The following FGF16 variants were observed in gnomAD, a reference collection of about 807,000 sequenced individuals.
The protein encoded by FGF16 is fibroblast growth factor 16.
Under a neutral mutation model 8.5 loss-of-function variants are expected in FGF16, and 2 were observed. The observed-to-expected ratio is 0.24, with a 90% CI of 0.10 to 0.75. The LOEUF is 0.75. FGF16 is among the 30% of genes least tolerant of loss of function. The pLI is 0.74. For missense variants in FGF16, 79 were observed against 87.4 expected (o/e 0.90, Z 0.38); for synonymous variants, 33 against 34.6 (o/e 0.95, Z 0.16).
At chrX:77,454,031 C>G (rs1288811757) in intron 1 of FGF16, 126 bp from the exon 2 acceptor site, 1 of 501,696 alleles carries the variant, frequency 2.0e-6, no homozygotes, top group Non-Finnish European at 3.5e-6. Flanking sequence ...TTTCATCAGG[C>G]ATTTTATCAA....
intron 1 of FGF16, among the ~76,000 whole-genome samples, chrX:77,452,138 CA>C (rs1378587222): frequency 1.8e-5 from 2 of 111,948 alleles, no homozygotes; most frequent in Non-Finnish European, 3.8e-5. Flanking sequence ...CAGGACTTCA[CA>C]TTGATTCTAA....
chrX:77,448,091 C>G (rs911456951), intron 1 of FGF16, 143 bp downstream of exon 1: 14 of 296,029 alleles, frequency 4.7e-5, no homozygotes, highest in Non-Finnish European at 7.7e-5. Flanking sequence ...ACGGCGCGGT[C>G]GTGGGCCTCT....
At chrX:77,454,290 T>G (rs1380865480) in intron 2 of FGF16, 30 bp downstream of exon 2, 3 of 819,022 alleles carry the variant, frequency 3.7e-6, no homozygotes, top group Non-Finnish European at 5.0e-6. Context: ...TTTTTTTTTT[T>G]TTTTTTTTTT....
At chrX:77,454,417 G>A (rs2062567022) in intron 2 of FGF16, among the ~76,000 whole-genome samples, 157 bp downstream of exon 2, 1 of 106,234 alleles carries the variant, frequency 9.4e-6, no homozygotes, top group African/African-American at 3.5e-5. Context: ...TTGGGAGGCT[G>A]AGGTGGGCGG....
At chrX:77,456,014 G>A (rs1285406872) in intron 2 of FGF16, among the ~76,000 whole-genome samples, 1 of 112,274 alleles carries the variant, frequency 8.9e-6, no homozygotes, top group African/African-American at 3.2e-5. Context: ...AGAGCCAGGT[G>A]ATGCCATCTC....
intron 1 of FGF16, among the ~76,000 whole-genome samples, 192 bp downstream of exon 1, chrX:77,448,140 TG>T (rs1449553591): frequency 1.8e-5 from 2 of 113,118 alleles, no homozygotes; most frequent in Non-Finnish European, 3.8e-5. Context: ...CACTTTCAGG[TG>T]GGGGCGGGGG....
chrX:77,448,054 C>G, intron 1 of FGF16, 106 bp downstream of exon 1: 1 of 297,134 alleles, frequency 3.4e-6, no homozygotes, highest in Non-Finnish European at 5.9e-6. Flanking sequence ...GGCTTGGTGT[C>G]GTCCGGGCCA....
chrX:77,456,697 T>C lies in FGF16; in HGVS notation c.*175T>C. 1 of 440,578 alleles carries C rather than the reference T, an allele frequency of 2.3e-6. No individual in the cohort carries two copies. The highest frequency in any genetic ancestry group is 3.8e-6 in the Non-Finnish European group (1 of 264,379). The allele number at this position is 440,578 out of a possible 1,213,427, so 36.3% of individuals were successfully genotyped here. ...TGTTGTTCAAAGTGTATATCAAGGT[T>C]GGGTTATTTTGGGGAGGGATGGGGG... On this transcript the variant is annotated 3_prime_UTR_variant, in exon 3 of 3. Transcript: ENST00000439435.
At chrX:77,451,972 T>G (rs781992959) in intron 1 of FGF16, among the ~76,000 whole-genome samples, 2 of 111,892 alleles carry the variant, frequency 1.8e-5, no homozygotes, top group Admixed American at 9.5e-5. Flanking sequence ...AAGAAAGAAA[T>G]AAATAGATAA....
chrX:77,455,485 G>C (rs2062569456), intron 2 of FGF16, among the ~76,000 whole-genome samples: 1 of 111,791 alleles, frequency 8.9e-6, no homozygotes, highest in Admixed American at 9.5e-5. Flanking sequence ...CTCTATTCTG[G>C]AAGCTAGCCT....
chrX:77,450,387 C>T (rs1445993093), intron 1 of FGF16, among the ~76,000 whole-genome samples: 4 of 112,454 alleles, frequency 3.6e-5, no homozygotes, highest in Admixed American at 9.4e-5. Flanking sequence ...ATATGCTCTC[C>T]GCTCTCCATC....
chrX:77,450,587 A>G (rs1276462292), intron 1 of FGF16, among the ~76,000 whole-genome samples: 1 of 112,473 alleles, frequency 8.9e-6, no homozygotes, highest in Non-Finnish European at 1.9e-5. Context: ...TTCTTGAGTG[A>G]TCTGGTTCTC....
At chrX:77,456,157 A>G (rs2062571208) in intron 2 of FGF16, 120 bp from the exon 3 acceptor site, 1 of 631,005 alleles carries the variant, frequency 1.6e-6, no homozygotes, top group Non-Finnish European at 2.6e-6. Context: ...ATACAGAGAG[A>G]TAGGACTGGA....
chrX:77,450,544 G>T (rs1557026595), intron 1 of FGF16, among the ~76,000 whole-genome samples: 1 of 112,730 alleles, frequency 8.9e-6, no homozygotes, highest in African/African-American at 3.2e-5. Context: ...CTCCCACCAG[G>T]TGGGATGGAG....
At chrX:77,453,592 C>T (rs2062563431) in intron 1 of FGF16, among the ~76,000 whole-genome samples, 1 of 111,751 alleles carries the variant, frequency 8.9e-6, no homozygotes, top group Non-Finnish European at 1.9e-5. Context: ...CAAGTTTTGC[C>T]TCCTGCCATA....
chrX:77,449,601 A>G (rs2062551313), intron 1 of FGF16, among the ~76,000 whole-genome samples: 1 of 111,705 alleles, frequency 9.0e-6, no homozygotes, highest in Admixed American at 9.5e-5. Context: ...CACACCTCCC[A>G]GCAGCTCCAA....
chrX:77,455,949 C>T (rs1485409857), intron 2 of FGF16, among the ~76,000 whole-genome samples: 2 of 112,106 alleles, frequency 1.8e-5, no homozygotes, highest in African/African-American at 6.5e-5. Flanking sequence ...AGGGAGAAAG[C>T]TCAGTGGGTA....
rs201586523 is a variant in FGF16 at position 77,453,943 on chromosome X, C to T, written c.275-214C>T. On this transcript the variant is annotated intron_variant, in intron 1 of 2. Coordinates refer to ENST00000439435, the MANE Select transcript of FGF16 (RefSeq NM_003868.3). ...GAGTAGAAGCAGAGATGGTGTCCCC[C>T]GTTTTACATATGGAAAAACTGAGGC... Among the ~76,000 whole-genome samples, 4 of 111,418 alleles carry T rather than the reference C, an allele frequency of 3.6e-5. No homozygotes were observed. In the East Asian group the frequency reaches 8.5e-4, roughly 24 times the overall value.
At chrX:77,453,390 G>T (rs1487795949) in intron 1 of FGF16, among the ~76,000 whole-genome samples, 1 of 111,984 alleles carries the variant, frequency 8.9e-6, no homozygotes, top group East Asian at 2.8e-4. Flanking sequence ...AATATTGTCC[G>T]CTAGGAGGAC....
Sources: gnomAD v4.1 joint callset for allele counts (sites outside exome capture counted in the v4.1 genomes callset) on GRCh38, gnomAD v4.1.1 for gene constraint, MANE v1.5 for transcripts, NCBI Gene and HGNC (gene_info 2026-07-23, HGNC 2026-07-21) for gene names.